EDIL3: variants seen among roughly 807,000 people sequenced by gnomAD.
The protein encoded by EDIL3 is EGF-like repeat and discoidin I-like domain-containing protein 3.
In EDIL3, 37 loss-of-function variants were observed where a neutral mutation model predicts 67.4. That is an observed-to-expected ratio of 0.55 (90% CI 0.42 to 0.72). The LOEUF is 0.72. EDIL3 is among the 30% of genes least tolerant of loss of function. EDIL3 has a pLI of 0.00. For synonymous variants in EDIL3, 195 were observed against 196.3 expected (o/e 0.99, Z 0.05); for missense variants, 527 against 586.3 (o/e 0.90, Z 1.04).
intron 3 of EDIL3, among the ~76,000 whole-genome samples, chr5:84,224,271 T>A (rs138863964): frequency 4.6e-5 from 7 of 151,658 alleles, no homozygotes; most frequent in African/African-American, 1.4e-4. Flanking sequence ...AATGAATGAA[T>A]GATTTCCTTG....
intron 6 of EDIL3, among the ~76,000 whole-genome samples, chr5:84,067,042 A>G (rs1561420717): frequency 2.0e-5 from 3 of 152,228 alleles, no homozygotes; most frequent in Non-Finnish European, 4.4e-5. Flanking sequence ...ACAATAAAAC[A>G]TGACAATTTC....
chr5:84,359,576 T>C (rs1747555861), intron 1 of EDIL3, among the ~76,000 whole-genome samples: 1 of 152,192 alleles, frequency 6.6e-6, no homozygotes, highest in Admixed American at 6.5e-5. Context: ...TTGTAAAATC[T>C]CTACAGACTG....
At chr5:84,290,137 A>C (rs1419348190) in intron 1 of EDIL3, among the ~76,000 whole-genome samples, 1 of 152,126 alleles carries the variant, frequency 6.6e-6, no homozygotes, top group East Asian at 1.9e-4. Flanking sequence ...TCTCCTGCCC[A>C]ATAAAACTAC....
chr5:83,963,919 T>C (rs1744647635), intron 9 of EDIL3, among the ~76,000 whole-genome samples: 1 of 151,802 alleles, frequency 6.6e-6, no homozygotes. Flanking sequence ...TAGTAATCAT[T>C]GTCCAGTGAA....
intron 1 of EDIL3, among the ~76,000 whole-genome samples, chr5:84,268,368 G>T (rs1745393022): frequency 6.6e-6 from 1 of 152,002 alleles, no homozygotes; most frequent in Non-Finnish European, 1.5e-5. Flanking sequence ...AGTCCTTTCT[G>T]AATCCATGTT....
chr5:84,342,602 C>G (rs1304165820), intron 1 of EDIL3, among the ~76,000 whole-genome samples: 1 of 151,864 alleles, frequency 6.6e-6, no homozygotes, highest in Non-Finnish European at 1.5e-5. Context: ...ATGCTTTTTT[C>G]CTTATACCAT....
chr5:84,247,263 T>C (rs1444119967), intron 2 of EDIL3, among the ~76,000 whole-genome samples: 1 of 152,094 alleles, frequency 6.6e-6, no homozygotes, highest in Non-Finnish European at 1.5e-5. Context: ...TCTGAAAAAT[T>C]TAACTGAAAT....
At chr5:84,142,827 C>A (rs116795669) in intron 4 of EDIL3, among the ~76,000 whole-genome samples, 2,540 of 147,192 alleles carry the variant, frequency 0.017, 82 homozygotes, top group African/African-American at 0.059. Flanking sequence ...GTGCCCCCCC[C>A]CCCAAGCTTT....
At chr5:84,314,626 C>A (rs537203361) in intron 1 of EDIL3, among the ~76,000 whole-genome samples, 79 of 152,272 alleles carry the variant, frequency 5.2e-4, no homozygotes, top group African/African-American at 1.8e-3. Flanking sequence ...TTCCAAAACA[C>A]GTTGAAGATA....
intron 1 of EDIL3, among the ~76,000 whole-genome samples, chr5:84,291,734 CTATCTATATAGATA>C (rs1470434626): frequency 2.1e-5 from 3 of 144,292 alleles, no homozygotes; most frequent in East Asian, 2.0e-4. Flanking sequence ...CTATATAGAT[CTATCTATATAGATA>C]TATCTATATA....
intron 9 of EDIL3, among the ~76,000 whole-genome samples, chr5:83,999,746 G>T (rs1216780048): frequency 6.6e-6 from 1 of 152,064 alleles, no homozygotes. Context: ...TAATAGCAGA[G>T]AACTTTCCAA....
In EDIL3 at chr5:84,369,917, A is replaced by G. The variant is rs1747810542; in HGVS notation, c.67+14391T>C. Among the ~76,000 whole-genome samples, 4 of 152,168 alleles carry G rather than the reference A, an allele frequency of 2.6e-5. No individual in the cohort carries two copies. In the South Asian group the frequency reaches 8.3e-4, roughly 31 times the overall value. ...TCATCATTATACCTTTTCATCAATG[A>G]GTGTATACTTGCTTATGGGTTACAA... On this transcript the variant is annotated intron_variant, in intron 1 of 10. Transcript: ENST00000296591.
intron 1 of EDIL3, among the ~76,000 whole-genome samples, chr5:84,265,671 G>A (rs1210648374): frequency 1.3e-5 from 2 of 152,280 alleles, no homozygotes; most frequent in East Asian, 3.9e-4. Context: ...ACAGTCTTAG[G>A]GAGCAAAAAC....
chr5:84,251,357 C>CA (rs1259210599), intron 2 of EDIL3, among the ~76,000 whole-genome samples: 1 of 151,520 alleles, frequency 6.6e-6, no homozygotes, highest in East Asian at 1.9e-4. Flanking sequence ...GTGATCCGCC[C>CA]ACCTCGGCCT....
intron 9 of EDIL3, among the ~76,000 whole-genome samples, chr5:84,045,627 A>T (rs1385887499): frequency 6.6e-6 from 1 of 152,182 alleles, no homozygotes; most frequent in African/African-American, 2.4e-5. Flanking sequence ...AATCTCAGAA[A>T]AGAATTTTAC....
chr5:84,339,596 A>G (rs1747058076), intron 1 of EDIL3, among the ~76,000 whole-genome samples: 1 of 122,698 alleles, frequency 8.2e-6, no homozygotes, highest in Non-Finnish European at 1.9e-5. Context: ...CTGTGTTTTA[A>G]AATACTGTGT....
chr5:84,023,303 C>T (rs957604062), intron 9 of EDIL3, among the ~76,000 whole-genome samples: 6 of 151,784 alleles, frequency 4.0e-5, no homozygotes, highest in Non-Finnish European at 7.4e-5. Context: ...CTGACAAATG[C>T]ATTCTTTGCA....
At chr5:84,055,356 G>A (rs1206746513) in intron 9 of EDIL3, among the ~76,000 whole-genome samples, 3 of 146,160 alleles carry the variant, frequency 2.1e-5, no homozygotes, top group South Asian at 2.2e-4. Context: ...ATAAAAACCC[G>A]AGAAGAAAAC....
intron 1 of EDIL3, among the ~76,000 whole-genome samples, chr5:84,314,437 G>A (rs1746468310): frequency 6.6e-6 from 1 of 152,020 alleles, no homozygotes; most frequent in African/African-American, 2.4e-5. Context: ...TTCTAATTTA[G>A]CATTTGACTT....
Sources: gnomAD v4.1 joint callset for allele counts (sites outside exome capture counted in the v4.1 genomes callset) on GRCh38, gnomAD v4.1.1 for gene constraint, MANE v1.5 for transcripts, NCBI Gene and HGNC (gene_info 2026-07-23, HGNC 2026-07-21) for gene names.